CTNNBL1: variants seen among roughly 807,000 people sequenced by gnomAD.
CTNNBL1 encodes the protein catenin beta like 1.
In CTNNBL1, 31 loss-of-function variants were observed where a neutral mutation model predicts 72.7. The ratio of observed to expected loss-of-function variants is 0.43; its 90% confidence interval spans 0.32 to 0.58. The LOEUF (loss-of-function observed/expected upper bound fraction) is 0.58. Among genes scored for constraint, CTNNBL1 ranks in the 20% least tolerant of loss-of-function variants. CTNNBL1 has a pLI of 0.08. For synonymous variants in CTNNBL1, 240 were observed against 267.3 expected (o/e 0.90, Z 1.00); for missense variants, 534 against 725.1 (o/e 0.74, Z 3.03).
At chr20:37,796,864 A>G (rs1231098348) in intron 10 of CTNNBL1, among the ~76,000 whole-genome samples, 1 of 152,184 alleles carries the variant, frequency 6.6e-6, no homozygotes, top group Non-Finnish European at 1.5e-5. Flanking sequence ...ATAATGCAAT[A>G]AATCTTAAAA....
In CTNNBL1 at chr20:37,694,109, C is replaced by A. The variant is rs754920754; in HGVS notation, c.-14C>A. The A allele has an allele frequency of 1.9e-6, 3 of 1,604,850 alleles. No homozygotes were observed. The highest frequency in any genetic ancestry group is 2.6e-6 in the Non-Finnish European group (3 of 1,176,230). On this transcript the variant is annotated 5_prime_UTR_variant, in exon 1 of 16. The change creates a new upstream start codon in the 5' untranslated region. Transcript: ENST00000361383. The stretch of plus-strand genomic sequence containing the variant: ...TGAGTGCAGGGAAGTGGAGTATTTG[C>A]TGGGCCGGGTACCATGGACGTGGGC...
intron 4 of CTNNBL1, chr20:37,750,190 G>T (rs2073305791): frequency 6.6e-6 from 1 of 152,190 alleles, no homozygotes; most frequent in Non-Finnish European, 1.5e-5. Context: ...TTATTCTGGC[G>T]CTCTGCATCA....
At chr20:37,729,842 G>T (rs2073114933) in intron 1 of CTNNBL1, among the ~76,000 whole-genome samples, 1 of 152,244 alleles carries the variant, frequency 6.6e-6, no homozygotes, top group South Asian at 2.1e-4. Context: ...GCCTGTCTGT[G>T]GTTACTGGCA....
chr20:37,753,828 C>G (rs1189227543), intron 4 of CTNNBL1, among the ~76,000 whole-genome samples: 1 of 152,122 alleles, frequency 6.6e-6, no homozygotes, highest in East Asian at 1.9e-4. Context: ...GGAAATTAAG[C>G]TGTAGGGAAA....
chr20:37,773,789 C>T (rs2073546749), intron 7 of CTNNBL1, among the ~76,000 whole-genome samples: 2 of 152,064 alleles, frequency 1.3e-5, no homozygotes, highest in South Asian at 4.1e-4. Context: ...TCATCATCAC[C>T]ACTAAGTTTT....
intron 15 of CTNNBL1, among the ~76,000 whole-genome samples, chr20:37,864,567 A>G (rs1432848732): frequency 6.6e-6 from 1 of 152,116 alleles, no homozygotes; most frequent in Non-Finnish European, 1.5e-5. Context: ...CTGTCTCTGC[A>G]CACTGCTTAC....
chr20:37,745,387 G>C (rs1353829370), intron 3 of CTNNBL1, among the ~76,000 whole-genome samples: 1 of 152,102 alleles, frequency 6.6e-6, no homozygotes, highest in Admixed American at 6.5e-5. Flanking sequence ...TACATTTCCT[G>C]TCTTTAAGAA....
intron 15 of CTNNBL1, among the ~76,000 whole-genome samples, chr20:37,862,257 C>A (rs2072497460): frequency 1.3e-5 from 2 of 152,132 alleles, no homozygotes; most frequent in Non-Finnish European, 2.9e-5. Context: ...TGATTTGCAA[C>A]TCCAGCCTTT....
intron 3 of CTNNBL1, among the ~76,000 whole-genome samples, chr20:37,746,104 G>A (rs958129424): frequency 2.6e-5 from 4 of 152,166 alleles, no homozygotes; most frequent in Non-Finnish European, 4.4e-5. Flanking sequence ...TGGGTAGTAG[G>A]ATAACTATGT....
intron 10 of CTNNBL1, among the ~76,000 whole-genome samples, chr20:37,802,365 G>A (rs925947242): frequency 6.6e-6 from 1 of 152,182 alleles, no homozygotes; most frequent in Admixed American, 6.5e-5. Context: ...AAGAGGGTAG[G>A]GGGTGTTAAG....
chr20:37,813,278 G>A (rs1050896744), intron 11 of CTNNBL1, among the ~76,000 whole-genome samples: 3 of 152,204 alleles, frequency 2.0e-5, no homozygotes, highest in African/African-American at 7.2e-5. Context: ...GACCTGTAGA[G>A]CTGTTGCAAG....
chr20:37,730,152 T>C (rs2073117496), intron 1 of CTNNBL1, among the ~76,000 whole-genome samples: 2 of 152,204 alleles, frequency 1.3e-5, no homozygotes, highest in South Asian at 2.1e-4. Flanking sequence ...TACTGTTCAA[T>C]ACAAGTCAAA....
chr20:37,771,170 T>C (rs941600280), intron 7 of CTNNBL1, among the ~76,000 whole-genome samples: 8 of 152,196 alleles, frequency 5.3e-5, no homozygotes, highest in Non-Finnish European at 1.2e-4. Flanking sequence ...GCTTTTAAAT[T>C]GTAAAGAGGT....
intron 1 of CTNNBL1, among the ~76,000 whole-genome samples, chr20:37,725,496 G>C (rs1376381402): frequency 6.6e-6 from 1 of 150,954 alleles, no homozygotes; most frequent in African/African-American, 2.4e-5. Flanking sequence ...GGGTTTCATC[G>C]GGTTAGTCAA....
chr20:37,714,436 T>G (rs1363938832), intron 1 of CTNNBL1, among the ~76,000 whole-genome samples: 1 of 152,200 alleles, frequency 6.6e-6, no homozygotes, highest in Non-Finnish European at 1.5e-5. Flanking sequence ...GGGAACAGAT[T>G]AAGGTGTTTT....
chr20:37,723,126 TTAAAG>T (rs1205162974), intron 1 of CTNNBL1, among the ~76,000 whole-genome samples: 1 of 152,236 alleles, frequency 6.6e-6, no homozygotes, highest in African/African-American at 2.4e-5. Context: ...ACCATGGACA[TTAAAG>T]TATAGTTTGT....
chr20:37,732,858 C>G, intron 1 of CTNNBL1, 21 bp from the exon 2 acceptor site: 2 of 1,609,574 alleles, frequency 1.2e-6, no homozygotes, highest in Non-Finnish European at 1.7e-6. Context: ...GCTCTAAAAT[C>G]TTATGTTTCT....
intron 1 of CTNNBL1, among the ~76,000 whole-genome samples, chr20:37,694,628 C>A (rs931846087): frequency 6.6e-6 from 1 of 152,142 alleles, no homozygotes; most frequent in East Asian, 1.9e-4. Context: ...TAATAACTGC[C>A]TTAGTAGGGT....
intron 4 of CTNNBL1, chr20:37,750,408 T>C (rs926974029): frequency 2.0e-5 from 3 of 152,236 alleles, no homozygotes; most frequent in Non-Finnish European, 2.9e-5. Context: ...GCTGCTGCCT[T>C]TTCAAAATAA....
Sources: allele counts gnomAD v4.1 joint callset (sites outside exome capture counted in the v4.1 genomes callset), GRCh38; gene constraint gnomAD v4.1.1; transcripts MANE v1.5; gene names NCBI Gene and HGNC (gene_info 2026-07-23, HGNC 2026-07-21).